Variants in FRA10AC1 observed in about 807,000 individuals in gnomAD.
FRA10AC1 encodes protein FRA10AC1.
In FRA10AC1, 43 loss-of-function variants were observed where a neutral mutation model predicts 56.5. The observed-to-expected ratio is 0.76, with a 90% CI of 0.60 to 0.98. FRA10AC1 has a LOEUF of 0.98. Ranked by LOEUF, FRA10AC1 falls within the 50% of genes least tolerant of loss-of-function variation. The pLI, the probability that FRA10AC1 is intolerant of heterozygous loss-of-function variation, is 0.00. For synonymous variants in FRA10AC1, 112 were observed against 110.5 expected, an observed-to-expected ratio of 1.01 and a Z score of -0.09; for missense variants, 346 against 351.8, an observed-to-expected ratio of 0.98 and a Z score of 0.13.
intron 11 of FRA10AC1, among the ~76,000 whole-genome samples, chr10:93,679,648 C>G (rs943240414): frequency 1.3e-5 from 2 of 152,110 alleles, no homozygotes; most frequent in Non-Finnish European, 2.9e-5. Context: ...GTATAGTACA[C>G]AAGTTCTGGA....
chr10:93,674,771 T>C (rs2058817208), intron 12 of FRA10AC1: 1 of 152,046 alleles, frequency 6.6e-6, no homozygotes. Context: ...AAATCAGTGA[T>C]TCAAGAATTT....
intron 12 of FRA10AC1, chr10:93,675,056 C>G (rs186169751): frequency 6.6e-6 from 1 of 152,052 alleles, no homozygotes; most frequent in South Asian, 2.1e-4. Context: ...TTAGAATTTA[C>G]GTGGAGAGAA....
intron 7 of FRA10AC1, among the ~76,000 whole-genome samples, chr10:93,690,297 C>A (rs1037182189): frequency 1.3e-5 from 2 of 152,166 alleles, no homozygotes; most frequent in African/African-American, 4.8e-5. Flanking sequence ...TGGTCAGAAT[C>A]TGCGAGTCAT....
intron 8 of FRA10AC1, among the ~76,000 whole-genome samples, chr10:93,687,089 GA>G (rs1002492398): frequency 7.2e-4 from 109 of 151,744 alleles, no homozygotes; most frequent in African/African-American, 2.5e-3. Flanking sequence ...ATAAAGAAAG[GA>G]AAAAAATAAA....
At position 93,669,295 on chromosome 10, in the gene FRA10AC1, C is replaced by G. The variant is rs937632585; in HGVS notation, c.*531G>C. The G allele has an allele frequency of 6.6e-6, 1 of 152,156 alleles. No homozygotes were observed. The highest frequency in any genetic ancestry group is 1.5e-5 in the Non-Finnish European group (1 of 68,110). The allele number at this position is 152,156 out of a possible 1,614,324, so 9.4% of individuals were successfully genotyped here. A position where few individuals can be genotyped will look rare whatever the true frequency, so the allele number is the denominator to read the frequency against. On this transcript the variant is annotated 3_prime_UTR_variant, in exon 14 of 14. Transcript: ENST00000359204. ...TAGTAATTTAAAATAATTGGCAGAG[C>G]ATGGTGGCTCACACCTGTAATCCCA...
chr10:93,693,581 C>CAT (rs1236766938), intron 5 of FRA10AC1, among the ~76,000 whole-genome samples: 5 of 124,112 alleles, frequency 4.0e-5, no homozygotes, highest in East Asian at 2.3e-4. Flanking sequence ...ATATACACAC[C>CAT]ATATATATAT....
chr10:93,693,209 G>A, intron 5 of FRA10AC1, among the ~76,000 whole-genome samples: 1 of 149,734 alleles, frequency 6.7e-6, no homozygotes, highest in Non-Finnish European at 1.5e-5. Context: ...ACAGTCTGGG[G>A]GTAAAAAAAA....
At chr10:93,687,995 C>G (rs1018207739) in intron 7 of FRA10AC1, 13 of 152,082 alleles carry the variant, frequency 8.5e-5, no homozygotes, top group East Asian at 5.8e-4. Context: ...CTAGTATACT[C>G]CAACAATCAT....
At chr10:93,699,379 G>C (rs147568046) in intron 2 of FRA10AC1, among the ~76,000 whole-genome samples, 5 of 152,028 alleles carry the variant, frequency 3.3e-5, no homozygotes, top group Non-Finnish European at 5.9e-5. Context: ...GTCAACAGCC[G>C]TGTAAGTTTG....
In FRA10AC1 at chr10:93,668,130, A is replaced by T. The variant is rs2058708653; in HGVS notation, c.*1696T>A. 1 of 152,230 alleles carries T rather than the reference A, an allele frequency of 6.6e-6. No homozygotes were observed. Among genetic ancestry groups the T allele is most frequent in the Non-Finnish European group, 1.5e-5 (1 of 68,026 alleles). 9.4% of individuals were successfully genotyped at this position (152,230 alleles called of 1,614,324 possible). A position where few individuals can be genotyped will look rare whatever the true frequency, so the allele number is the denominator to read the frequency against. Reference sequence around the variant, plus strand: ...GAAAATCTCTGATAATAACCATTTTAAAATGATACCAAATTACTCATTTTG... The same window carrying T: ...GAAAATCTCTGATAATAACCATTTTTAAATGATACCAAATTACTCATTTTG... On this transcript the variant is annotated 3_prime_UTR_variant, in exon 14 of 14. Transcript: ENST00000359204.
chr10:93,677,636 T>A (rs1390903768), intron 11 of FRA10AC1, among the ~76,000 whole-genome samples: 1 of 152,058 alleles, frequency 6.6e-6, no homozygotes, highest in African/African-American at 2.4e-5. Context: ...TACCTGAAAA[T>A]GTAAAGCTTT....
intron 12 of FRA10AC1, chr10:93,675,715 A>C (rs1471044290): frequency 9.0e-6 from 3 of 332,094 alleles, no homozygotes; most frequent in Non-Finnish European, 1.9e-5. Flanking sequence ...CAAAAAAATA[A>C]AATAAAATAA....
At chr10:93,671,659 C>T (rs1402791137) in intron 12 of FRA10AC1, 3 of 210,672 alleles carry the variant, frequency 1.4e-5, no homozygotes, top group Non-Finnish European at 2.8e-5. Flanking sequence ...TCTGTATGTA[C>T]TGCAATAGAA....
intron 8 of FRA10AC1, 111 bp from the exon 9 acceptor site, chr10:93,685,470 A>G (rs1052284604): frequency 2.9e-5 from 17 of 591,904 alleles, no homozygotes; most frequent in Non-Finnish European, 5.0e-5. Context: ...AACCATAGTC[A>G]GCCTTTAAAA....
intron 1 of FRA10AC1, among the ~76,000 whole-genome samples, chr10:93,702,139 T>G (rs1481646588): frequency 6.6e-6 from 1 of 151,714 alleles, no homozygotes; most frequent in Non-Finnish European, 1.5e-5. Context: ...ATACCTATCT[T>G]AACTCACTGG....
intron 2 of FRA10AC1, among the ~76,000 whole-genome samples, chr10:93,698,737 A>C (rs938807757): frequency 6.6e-6 from 1 of 152,174 alleles, no homozygotes; most frequent in African/African-American, 2.4e-5. Flanking sequence ...CTCTATCTGT[A>C]ACATAGTGAT....
At chr10:93,684,512 T>G (rs923844192) in intron 9 of FRA10AC1, among the ~76,000 whole-genome samples, 80 of 151,684 alleles carry the variant, frequency 5.3e-4, no homozygotes, top group African/African-American at 1.8e-3. Context: ...TTTTTTTTTT[T>G]TTGCCTTAAT....
In FRA10AC1 at chr10:93,698,298, T is replaced by C. The variant is rs948164727; in HGVS notation, c.173+3A>G. 3 of 1,598,878 alleles carry C rather than the reference T, an allele frequency of 1.9e-6. No individual in the cohort carries two copies. Among genetic ancestry groups the C allele is most frequent in the Non-Finnish European group, 2.6e-6 (3 of 1,167,352 alleles). ...AAATAGAATTGACACTGAAATACCA[T>C]ACCTATCCAGCAATTCTGCTGCAAC... On this transcript the variant is annotated splice_donor_region_variant and intron_variant, in intron 3 of 13. Coordinates refer to ENST00000359204, the MANE Select transcript of FRA10AC1 (RefSeq NM_145246.5).
intron 2 of FRA10AC1, among the ~76,000 whole-genome samples, chr10:93,699,066 G>A (rs2059284392): frequency 6.6e-6 from 1 of 152,088 alleles, no homozygotes; most frequent in Admixed American, 6.5e-5. Context: ...ATGTGGCCCA[G>A]GAAAGCCAAA....
Sources: gnomAD v4.1 joint callset for allele counts (sites outside exome capture counted in the v4.1 genomes callset) on GRCh38, gnomAD v4.1.1 for gene constraint, MANE v1.5 for transcripts, NCBI Gene and HGNC (gene_info 2026-07-23, HGNC 2026-07-21) for gene names.